The following KIAA0825 variants were observed in gnomAD, a reference collection of about 807,000 sequenced individuals.
The protein encoded by KIAA0825 is KIAA0825.
A neutral mutation model predicts 147.6 loss-of-function variants in KIAA0825; 119 were observed. That is an observed-to-expected ratio of 0.81 (90% confidence interval 0.69 to 0.94). The LOEUF (loss-of-function observed/expected upper bound fraction) is 0.94, where lower values mean the gene tolerates loss of function less well. KIAA0825 is among the 40% of genes least tolerant of loss of function. The pLI is 0.00. For synonymous variants in KIAA0825, 470 were observed against 518.1 expected, an observed-to-expected ratio of 0.91 and a Z score of 1.26; for missense variants, 1,381 against 1,472.7, an observed-to-expected ratio of 0.94 and a Z score of 1.02.
chr5:94,237,467 A>G (rs543776934), intron 20 of KIAA0825, among the ~76,000 whole-genome samples: 53 of 152,326 alleles, frequency 3.5e-4, no homozygotes, highest in African/African-American at 1.2e-3. Flanking sequence ...AAAGAAAGCA[A>G]GCCAGCAAGG....
At chr5:94,451,719 G>A (rs972813133) in intron 13 of KIAA0825, among the ~76,000 whole-genome samples, 2 of 152,208 alleles carry the variant, frequency 1.3e-5, no homozygotes, top group Non-Finnish European at 2.9e-5. Flanking sequence ...GCTTGGAAGT[G>A]GAAGTCTTAC....
At chr5:94,533,001 C>T (rs1431478383) in intron 3 of KIAA0825, among the ~76,000 whole-genome samples, 3 of 143,976 alleles carry the variant, frequency 2.1e-5, no homozygotes, top group Admixed American at 7.0e-5. Context: ...TTTTTTGAGA[C>T]GGAGTCTCGC....
intron 15 of KIAA0825, among the ~76,000 whole-genome samples, chr5:94,406,079 A>G (rs1222915477): frequency 6.6e-6 from 1 of 152,078 alleles, no homozygotes; most frequent in East Asian, 1.9e-4. Flanking sequence ...GGCATGCGCC[A>G]CCACGCCTGG....
chr5:94,331,748 A>AAT (rs1306398958), intron 20 of KIAA0825, among the ~76,000 whole-genome samples: 1 of 152,230 alleles, frequency 6.6e-6, no homozygotes, highest in Non-Finnish European at 1.5e-5. Flanking sequence ...TCATTATATT[A>AAT]ACAAGTGAAA....
chr5:94,589,090 G>A (rs566854159), intron 1 of KIAA0825, among the ~76,000 whole-genome samples: 129 of 152,104 alleles, frequency 8.5e-4, no homozygotes, highest in African/African-American at 2.9e-3. Context: ...AAACCAACAC[G>A]GCACAGGTAT....
At chr5:94,397,380 T>G (rs1750805557) in intron 16 of KIAA0825, among the ~76,000 whole-genome samples, 1 of 152,210 alleles carries the variant, frequency 6.6e-6, no homozygotes, top group African/African-American at 2.4e-5. Flanking sequence ...CCACATGTTC[T>G]TCCTTGTTTG....
chr5:94,552,481 C>CA (rs1775730179), intron 2 of KIAA0825, among the ~76,000 whole-genome samples: 1 of 152,128 alleles, frequency 6.6e-6, no homozygotes, highest in Non-Finnish European at 1.5e-5. Flanking sequence ...GCACATGGAA[C>CA]ATTCTTCAGG....
chr5:94,555,194 G>A (rs1776318504), intron 2 of KIAA0825, among the ~76,000 whole-genome samples: 2 of 151,960 alleles, frequency 1.3e-5, no homozygotes, highest in African/African-American at 4.8e-5. Context: ...ATTAATTACT[G>A]GGAGTTGAGA....
At chr5:94,477,294 C>T in intron 6 of KIAA0825, 89 bp from the exon 7 acceptor site, 1 of 859,532 alleles carries the variant, frequency 1.2e-6, no homozygotes, top group Non-Finnish European at 1.8e-6. Context: ...TAAATATTAA[C>T]TACGTAGAAA....
intron 20 of KIAA0825, among the ~76,000 whole-genome samples, chr5:94,251,033 C>A (rs553452129): frequency 1.9e-4 from 29 of 152,168 alleles, no homozygotes; most frequent in African/African-American, 6.7e-4. Flanking sequence ...ATTCCATAAC[C>A]AGCTGCTGAC....
intron 20 of KIAA0825, among the ~76,000 whole-genome samples, chr5:94,223,003 A>C (rs1194346174): frequency 6.6e-6 from 1 of 152,112 alleles, no homozygotes; most frequent in East Asian, 1.9e-4. Context: ...AATACAATAC[A>C]ATATTAACTG....
intron 15 of KIAA0825, among the ~76,000 whole-genome samples, chr5:94,411,338 T>C (rs1272364074): frequency 6.6e-6 from 1 of 152,186 alleles, no homozygotes; most frequent in Admixed American, 6.5e-5. Flanking sequence ...AATATAAACC[T>C]ATAGTGCCAA....
rs374319650 is a variant in KIAA0825 at position 94,610,787 on chromosome 5, G to GTATA, written c.-153+7709_-153+7712dup. On this transcript the variant is annotated intron_variant, in intron 1 of 20. Coordinates refer to ENST00000682413, the MANE Select transcript of KIAA0825 (RefSeq NM_001145678.3). ...TGCAAAAAAAAAAAAAAAAAAAAAA[G>GTATA]TATATATATATATATATATAAATAA... 4.7e-3 allele frequency among the ~76,000 whole-genome samples: 444 copies of GTATA among 95,094 alleles called. 5 individuals are homozygous for GTATA. The highest frequency in any genetic ancestry group is 0.014 in the African/African-American group (334 of 23,736). 62.4% of individuals were successfully genotyped at this position (95,094 alleles called of 152,430 possible). A position where few individuals can be genotyped will look rare whatever the true frequency, so the allele number is the denominator to read the frequency against.
At chr5:94,357,415 CA>C (rs1349767000) in intron 20 of KIAA0825, among the ~76,000 whole-genome samples, 1 of 151,918 alleles carries the variant, frequency 6.6e-6, no homozygotes, top group African/African-American at 2.4e-5. Flanking sequence ...GAAAGAAAAA[CA>C]ATGCCAAATC....
chr5:94,584,464 A>G (rs542882340), intron 1 of KIAA0825, among the ~76,000 whole-genome samples: 12 of 152,228 alleles, frequency 7.9e-5, no homozygotes, highest in Non-Finnish European at 1.8e-4. Context: ...AATTAATGAA[A>G]TAAAGCGAGA....
At position 94,587,179 on chromosome 5, in the gene KIAA0825, G is replaced by A. The variant is rs1783466415; in HGVS notation, c.-152-4596C>T. Among the ~76,000 whole-genome samples the A allele has an allele frequency of 1.3e-5, 2 of 152,190 alleles. 1 individual carries two copies. The highest frequency in any genetic ancestry group is 4.1e-4 in the South Asian group (2 of 4,826). ...ATCACTCCTATTCAACATAGTATTG[G>A]AAGTTCTGGCCTGGGCATTCAGGCA... On this transcript the variant is annotated intron_variant, in intron 1 of 20. Coordinates refer to ENST00000682413, the MANE Select transcript of KIAA0825 (RefSeq NM_001145678.3).
chr5:94,200,946 C>CATATATATATATATAT (rs34842887), intron 20 of KIAA0825, among the ~76,000 whole-genome samples: 72 of 103,888 alleles, frequency 6.9e-4, no homozygotes, highest in African/African-American at 7.5e-4. Context: ...AGAATTTAAA[C>CATATATATATATATAT]ATATATATAT....
intron 20 of KIAA0825, among the ~76,000 whole-genome samples, chr5:94,201,374 G>T (rs1771670325): frequency 6.6e-6 from 1 of 151,700 alleles, no homozygotes; most frequent in Admixed American, 6.6e-5. Context: ...TCTTAGTCTT[G>T]CCAGGAGTTG....
chr5:94,293,016 G>A (rs1212668392), intron 20 of KIAA0825, among the ~76,000 whole-genome samples: 1 of 148,906 alleles, frequency 6.7e-6, no homozygotes, highest in Non-Finnish European at 1.5e-5. Context: ...TTCTTTATTA[G>A]TCTGGCTAGC....
Sources: allele counts gnomAD v4.1 joint callset (sites outside exome capture counted in the v4.1 genomes callset), GRCh38; gene constraint gnomAD v4.1.1; transcripts MANE v1.5; gene names NCBI Gene and HGNC (gene_info 2026-07-23, HGNC 2026-07-21).